The following AGBL4 variants were observed in gnomAD, a reference collection of about 807,000 sequenced individuals.
AGBL4 encodes cytosolic carboxypeptidase 6.
In AGBL4, 58 loss-of-function variants were observed where a neutral mutation model predicts 66.4. The ratio of observed to expected loss-of-function variants is 0.87; its 90% confidence interval spans 0.71 to 1.09. The LOEUF (loss-of-function observed/expected upper bound fraction) is 1.09. AGBL4 is among the 50% of genes least tolerant of loss of function. AGBL4 has a pLI of 0.00. For synonymous variants in AGBL4, 234 were observed against 222.9 expected (o/e 1.05, Z -0.44); for missense variants, 579 against 631.0 (o/e 0.92, Z 0.88).
intron 3 of AGBL4, among the ~76,000 whole-genome samples, chr1:49,358,657 A>G (rs1644071041): frequency 6.6e-6 from 1 of 152,192 alleles, no homozygotes; most frequent in South Asian, 2.1e-4. Context: ...CATTTAGAAA[A>G]AAAAATGTTT....
chr1:49,561,699 G>T (rs1038415303), intron 3 of AGBL4, among the ~76,000 whole-genome samples: 18 of 152,008 alleles, frequency 1.2e-4, no homozygotes, highest in African/African-American at 4.1e-4. Context: ...TCTTAATCCA[G>T]TCTATCATTG....
intron 1 of AGBL4, among the ~76,000 whole-genome samples, chr1:50,011,067 A>G (rs1661494872): frequency 6.6e-6 from 1 of 152,214 alleles, no homozygotes. Context: ...CAAACTACCC[A>G]TAACACAGAG....
chr1:49,324,350 A>G (rs1332722824), intron 3 of AGBL4, among the ~76,000 whole-genome samples: 1 of 152,226 alleles, frequency 6.6e-6, no homozygotes, highest in African/African-American at 2.4e-5. Flanking sequence ...CTCTCATGGC[A>G]TTCTGAATAA....
At chr1:48,927,011 T>C (rs1010847041) in intron 5 of AGBL4, among the ~76,000 whole-genome samples, 4 of 152,042 alleles carry the variant, frequency 2.6e-5, no homozygotes, top group Admixed American at 2.6e-4. Flanking sequence ...CATCCTCTGA[T>C]TTTTTTCCTT....
chr1:49,712,289 G>A (rs1369756765), intron 2 of AGBL4, among the ~76,000 whole-genome samples: 1 of 151,668 alleles, frequency 6.6e-6, no homozygotes, highest in Non-Finnish European at 1.5e-5. Context: ...CCATAATTTT[G>A]TTAACTATTC....
At chr1:49,530,278 A>AAAAAAAAAAAC (rs1186915086) in intron 3 of AGBL4, among the ~76,000 whole-genome samples, 1 of 145,116 alleles carries the variant, frequency 6.9e-6, no homozygotes, top group Non-Finnish European at 1.5e-5. Context: ...AAAAACAAAA[A>AAAAAAAAAAAC]AAAACTCTAT....
intron 2 of AGBL4, among the ~76,000 whole-genome samples, chr1:49,766,603 T>G (rs1652749443): frequency 6.6e-6 from 1 of 151,762 alleles, no homozygotes; most frequent in Non-Finnish European, 1.5e-5. Flanking sequence ...GAAAATGGTC[T>G]GAATGCCCCC....
chr1:49,561,370 A>C (rs1415789693), intron 3 of AGBL4, among the ~76,000 whole-genome samples: 1 of 151,786 alleles, frequency 6.6e-6, no homozygotes, highest in Non-Finnish European at 1.5e-5. Context: ...TGCAGGTTAC[A>C]TATGTACACA....
chr1:49,085,050 G>T (rs187164948), intron 4 of AGBL4, among the ~76,000 whole-genome samples: 4 of 152,026 alleles, frequency 2.6e-5, no homozygotes, highest in African/African-American at 9.7e-5. Flanking sequence ...ATTTGTCAGG[G>T]TATTTTCATA....
chr1:48,720,314 C>G (rs188743590), intron 6 of AGBL4, among the ~76,000 whole-genome samples: 1 of 152,122 alleles, frequency 6.6e-6, no homozygotes, highest in African/African-American at 2.4e-5. Context: ...AGATGGAGCA[C>G]AAAAGATCTC....
At chr1:49,388,519 G>T (rs958651281) in intron 3 of AGBL4, among the ~76,000 whole-genome samples, 7 of 152,118 alleles carry the variant, frequency 4.6e-5, no homozygotes, top group African/African-American at 1.7e-4. Flanking sequence ...GAGAAGCAGA[G>T]ACATGGTTAG....
chr1:49,809,297 C>A, intron 2 of AGBL4, among the ~76,000 whole-genome samples: 1 of 102,284 alleles, frequency 9.8e-6, no homozygotes, highest in Non-Finnish European at 1.9e-5. Context: ...TTAATGCTAT[C>A]CCTCCCCCCT....
intron 4 of AGBL4, among the ~76,000 whole-genome samples, chr1:49,147,058 G>A (rs1399463682): frequency 2.0e-5 from 3 of 152,210 alleles, no homozygotes; most frequent in South Asian, 2.1e-4. Flanking sequence ...TGAGGGAGGC[G>A]ACACAGGAGG....
intron 4 of AGBL4, among the ~76,000 whole-genome samples, chr1:49,144,678 T>C (rs1464165543): frequency 6.6e-6 from 1 of 151,848 alleles, no homozygotes; most frequent in African/African-American, 2.4e-5. Flanking sequence ...AAATAGACAA[T>C]GATAATTTGA....
At chr1:48,653,500 A>G (rs1288352807) in intron 7 of AGBL4, 49 bp from the exon 8 acceptor site, 1 of 1,378,130 alleles carries the variant, frequency 7.3e-7, no homozygotes, top group Non-Finnish European at 1.0e-6. Context: ...TTCAAGAAGA[A>G]GGAAACACAT....
At chr1:48,990,000 AGTGTTT>A (rs1660484550) in intron 5 of AGBL4, among the ~76,000 whole-genome samples, 1 of 152,144 alleles carries the variant, frequency 6.6e-6, no homozygotes, top group Non-Finnish European at 1.5e-5. Flanking sequence ...TCCCACCAAC[AGTGTTT>A]GAGGATTCTC....
chr1:48,548,702 C>T (rs1027581211), intron 11 of AGBL4, among the ~76,000 whole-genome samples: 2 of 152,212 alleles, frequency 1.3e-5, no homozygotes, highest in Admixed American at 1.3e-4. Flanking sequence ...GCTGGCCTGA[C>T]TGCATTGAAG....
At chr1:49,831,831 T>C (rs1645689594) in intron 2 of AGBL4, among the ~76,000 whole-genome samples, 1 of 152,298 alleles carries the variant, frequency 6.6e-6, no homozygotes, top group African/African-American at 2.4e-5. Flanking sequence ...GGGTGTTGAA[T>C]TTTATCAAAG....
At chr1:49,265,883 A>C (rs1643909477) in intron 3 of AGBL4, among the ~76,000 whole-genome samples, 1 of 152,182 alleles carries the variant, frequency 6.6e-6, no homozygotes, top group East Asian at 1.9e-4. Flanking sequence ...ATGTAAGGAT[A>C]TAGAGAGACA....
Sources: allele counts gnomAD v4.1 joint callset (sites outside exome capture counted in the v4.1 genomes callset), GRCh38; gene constraint gnomAD v4.1.1; transcripts MANE v1.5; gene names NCBI Gene and HGNC (gene_info 2026-07-23, HGNC 2026-07-21).